INTS9: variants seen among roughly 807,000 people sequenced by gnomAD.
The protein encoded by INTS9 is protein related to CPSF subunits of 74 kDa.
Under a neutral mutation model 79.7 loss-of-function variants are expected in INTS9, and 55 were observed. That is an observed-to-expected ratio of 0.69 (90% CI 0.56 to 0.86). The LOEUF (loss-of-function observed/expected upper bound fraction) is 0.86, where lower values mean the gene tolerates loss of function less well. INTS9 is among the 40% of genes least tolerant of loss of function. The probability of loss-of-function intolerance (pLI) is 0.00; values close to 1 mark genes in which losing one functional copy is unlikely to be tolerated. For missense variants in INTS9, 721 were observed against 831.5 expected (o/e 0.87, Z 1.64); for synonymous variants, 319 against 325.2 (o/e 0.98, Z 0.20).
chr8:28,844,552 G>A lies in INTS9; in HGVS notation c.261+2195C>T, dbSNP rs953587559. On this transcript the variant is annotated intron_variant, in intron 4 of 16. Transcript: ENST00000521022. ...AATTTAAAAAAATTATCAGCTGGGC[G>A]TGGTGGGTCACGCCTGTAATCCCAG... is the stretch of plus-strand genomic sequence containing the variant. Among the ~76,000 whole-genome samples the A allele has an allele frequency of 7.1e-4, 108 of 152,096 alleles. 1 individual carries two copies. The highest frequency in any genetic ancestry group is 2.5e-3 in the African/African-American group (103 of 41,410).
intron 13 of INTS9, among the ~76,000 whole-genome samples, chr8:28,777,567 G>C (rs1341622991): frequency 4.0e-5 from 6 of 150,958 alleles, no homozygotes; most frequent in Admixed American, 3.3e-4. Context: ...AGGGGTGAGA[G>C]GGTTTGCTTT....
rs1204575921 is a variant in INTS9 at position 28,846,820 on chromosome 8, TGAAAAG to T, written c.199-17_199-12del. ...GCACTCCTTTAGCTCCTAAAAGAAA[TGAAAAG>T]GAAAAATACAAGGAAGAGATATCCA... is the stretch of plus-strand genomic sequence containing the variant. On this transcript the variant is annotated splice_polypyrimidine_tract_variant and intron_variant, in intron 3 of 16. Coordinates refer to ENST00000521022, the MANE Select transcript of INTS9 (RefSeq NM_018250.4). 34 of 1,606,358 alleles carry T rather than the reference TGAAAAG, an allele frequency of 2.1e-5. No homozygotes were observed. The East Asian group carries it at 7.6e-4, about 36-fold the overall frequency.
intron 1 of INTS9, among the ~76,000 whole-genome samples, chr8:28,884,242 G>C (rs1810058804): frequency 7.0e-6 from 1 of 142,270 alleles, no homozygotes; most frequent in South Asian, 2.3e-4. Flanking sequence ...CTAGAGTGCA[G>C]AGGTGCAATC....
intron 3 of INTS9, among the ~76,000 whole-genome samples, chr8:28,848,068 C>T (rs984644149): frequency 6.6e-6 from 1 of 152,218 alleles, no homozygotes; most frequent in African/African-American, 2.4e-5. Flanking sequence ...GGGTCTGCTA[C>T]GATGCCTCCT....
intron 10 of INTS9, among the ~76,000 whole-genome samples, chr8:28,789,102 G>A (rs971377752): frequency 1.3e-5 from 2 of 152,170 alleles, no homozygotes; most frequent in South Asian, 2.1e-4. Context: ...AGAGCAAGAT[G>A]CTTTTGGAGG....
At chr8:28,823,538 T>G (rs779522675) in intron 6 of INTS9, among the ~76,000 whole-genome samples, 1 of 152,234 alleles carries the variant, frequency 6.6e-6, no homozygotes, top group Middle Eastern at 3.2e-3. Flanking sequence ...TTCATTCTCC[T>G]GTGCAGACTC....
At chr8:28,782,877 T>TA (rs1554494381) in intron 11 of INTS9, among the ~76,000 whole-genome samples, 1 of 151,902 alleles carries the variant, frequency 6.6e-6, no homozygotes, top group Non-Finnish European at 1.5e-5. Flanking sequence ...AAAAAACACA[T>TA]ACACACACAA....
At chr8:28,876,615 C>T (rs1649327845) in intron 1 of INTS9, among the ~76,000 whole-genome samples, 2 of 152,084 alleles carry the variant, frequency 1.3e-5, no homozygotes, top group African/African-American at 2.4e-5. Flanking sequence ...GAGACGCCTA[C>T]TACCAAAACT....
intron 5 of INTS9, among the ~76,000 whole-genome samples, 174 bp downstream of exon 5, chr8:28,837,463 A>G (rs1806869078): frequency 6.6e-6 from 1 of 152,226 alleles, no homozygotes; most frequent in Non-Finnish European, 1.5e-5. Flanking sequence ...ATCAATCCTT[A>G]GGCATTTCCA....
At chr8:28,823,314 C>T (rs1193151228) in intron 6 of INTS9, among the ~76,000 whole-genome samples, 1 of 152,156 alleles carries the variant, frequency 6.6e-6, no homozygotes, top group African/African-American at 2.4e-5. Flanking sequence ...CTCCATATAG[C>T]AGGAGGAAAG....
chr8:28,770,097 A>T, intron 15 of INTS9, 71 bp from the exon 16 acceptor site: 1 of 1,561,642 alleles, frequency 6.4e-7, no homozygotes, highest in South Asian at 1.2e-5. Context: ...GGCCACACTG[A>T]GAGCCTGAGA....
At chr8:28,846,711 G>A (rs1315135908) in intron 4 of INTS9, 36 bp downstream of exon 4, 2 of 1,467,482 alleles carry the variant, frequency 1.4e-6, no homozygotes, top group African/African-American at 1.4e-5. Context: ...TACATAATAA[G>A]GTTTGTTTCT....
At chr8:28,862,772 A>G (rs1243601773) in intron 1 of INTS9, among the ~76,000 whole-genome samples, 1 of 152,216 alleles carries the variant, frequency 6.6e-6, no homozygotes, top group Non-Finnish European at 1.5e-5. Flanking sequence ...AGTAGTAGCC[A>G]TGTAGAGGTA....
intron 1 of INTS9, among the ~76,000 whole-genome samples, chr8:28,872,399 A>G (rs1468560217): frequency 1.3e-5 from 2 of 152,196 alleles, no homozygotes; most frequent in Non-Finnish European, 1.5e-5. Flanking sequence ...GAAAAAGCTT[A>G]TGAGCATTGT....
intron 1 of INTS9, among the ~76,000 whole-genome samples, chr8:28,869,525 A>C (rs17523818): frequency 6.6e-6 from 1 of 152,186 alleles, no homozygotes; most frequent in Non-Finnish European, 1.5e-5. Context: ...TCCCTACCTT[A>C]TATTACTCCA....
At chr8:28,825,836 G>A (rs1002245588) in intron 6 of INTS9, among the ~76,000 whole-genome samples, 5 of 152,218 alleles carry the variant, frequency 3.3e-5, no homozygotes, top group African/African-American at 1.2e-4. Flanking sequence ...AATTACTGGT[G>A]TTTCAAGTAG....
At chr8:28,888,547 G>C (rs1193524100) in intron 1 of INTS9, among the ~76,000 whole-genome samples, 3 of 152,184 alleles carry the variant, frequency 2.0e-5, no homozygotes, top group Admixed American at 2.0e-4. Context: ...GCCAGACCCT[G>C]TCTCTAAATA....
chr8:28,769,717 G>T, intron 16 of INTS9, 172 bp downstream of exon 16: 1 of 786,718 alleles, frequency 1.3e-6, no homozygotes, highest in Non-Finnish European at 2.0e-6. Flanking sequence ...TCCTCACTCT[G>T]CTTTCTTTCT....
intron 4 of INTS9, among the ~76,000 whole-genome samples, chr8:28,842,688 A>G (rs536888824): frequency 8.8e-4 from 133 of 151,666 alleles, no homozygotes; most frequent in Non-Finnish European, 1.5e-3. Flanking sequence ...TGTCACATCC[A>G]CAATCTCTTT....
Sources: gnomAD v4.1 joint callset for allele counts (sites outside exome capture counted in the v4.1 genomes callset) on GRCh38, gnomAD v4.1.1 for gene constraint, MANE v1.5 for transcripts, NCBI Gene and HGNC (gene_info 2026-07-23, HGNC 2026-07-21) for gene names.